Variants in LTBP1 observed in about 807,000 individuals in gnomAD.
LTBP1 encodes latent transforming growth factor beta binding protein 1, also known as latent-transforming growth factor beta-binding protein 1.
LTBP1 carries 129 observed loss-of-function variants against 207.6 expected under a neutral mutation model. That is an observed-to-expected ratio of 0.62 (90% CI 0.54 to 0.72). The LOEUF (loss-of-function observed/expected upper bound fraction) is 0.72. Among genes scored for constraint, LTBP1 ranks in the 30% least tolerant of loss-of-function variants. LTBP1 has a pLI of 0.00. For missense variants in LTBP1, 2,281 were observed against 2,217.2 expected (o/e 1.03, Z -0.58); for synonymous variants, 963 against 833.7 (o/e 1.16, Z -2.67).
intron 3 of LTBP1, among the ~76,000 whole-genome samples, chr2:33,059,023 C>G (rs1330565689): frequency 3.9e-5 from 6 of 152,134 alleles, no homozygotes; most frequent in Admixed American, 3.9e-4. Flanking sequence ...TGAAGTTATC[C>G]TTACAAGTGA....
At chr2:32,955,598 T>G (rs1677951228) in intron 2 of LTBP1, among the ~76,000 whole-genome samples, 1 of 150,208 alleles carries the variant, frequency 6.7e-6, no homozygotes, top group Admixed American at 6.8e-5. Flanking sequence ...TAAAAAAGAT[T>G]TTTTGGAACA....
chr2:33,234,080 C>A (rs1467809698), intron 9 of LTBP1, among the ~76,000 whole-genome samples: 1 of 152,104 alleles, frequency 6.6e-6, no homozygotes, highest in Non-Finnish European at 1.5e-5. Context: ...TCTTTAGTGT[C>A]TGGCTTCTTT....
chr2:33,328,266 C>T (rs2094453878), intron 24 of LTBP1, among the ~76,000 whole-genome samples: 1 of 152,082 alleles, frequency 6.6e-6, no homozygotes, highest in Non-Finnish European at 1.5e-5. Context: ...CCCCCTGAAC[C>T]TCCCTCAAAC....
At chr2:33,275,542 G>T (rs2093407795) in intron 17 of LTBP1, among the ~76,000 whole-genome samples, 1 of 152,050 alleles carries the variant, frequency 6.6e-6, no homozygotes, top group Non-Finnish European at 1.5e-5. Flanking sequence ...GAATTAGCCA[G>T]GCATGGTGGT....
At chr2:33,270,053 A>G (rs1479826465) in intron 15 of LTBP1, among the ~76,000 whole-genome samples, 2 of 149,110 alleles carry the variant, frequency 1.3e-5, no homozygotes, top group African/African-American at 2.5e-5. Flanking sequence ...AATAGCTGGG[A>G]CTACAGGTGC....
intron 20 of LTBP1, among the ~76,000 whole-genome samples, chr2:33,297,990 G>T (rs1358888400): frequency 6.6e-6 from 1 of 152,144 alleles, no homozygotes; most frequent in Non-Finnish European, 1.5e-5. Flanking sequence ...TTAAACTGGG[G>T]TCATGGGTTT....
chr2:33,127,638 G>C lies in LTBP1; in HGVS notation c.1034-7155G>C, dbSNP rs116105562. On this transcript the variant is annotated intron_variant, in intron 4 of 33. Transcript: ENST00000404816. ...GATAGAAAAGGAGGATAAGAATATAGACTATTTTCTTTGGCCTGACTGAGG... is the reference window on the plus strand; with the variant it reads ...GATAGAAAAGGAGGATAAGAATATACACTATTTTCTTTGGCCTGACTGAGG... Among the ~76,000 whole-genome samples, 369 of 152,320 alleles carry C rather than the reference G, an allele frequency of 2.4e-3. 1 individual carries two copies. Among genetic ancestry groups the C allele is most frequent in the Admixed American group, 6.7e-3 (102 of 15,294 alleles).
chr2:33,146,053 C>G (rs914803266), intron 5 of LTBP1, among the ~76,000 whole-genome samples: 2 of 152,148 alleles, frequency 1.3e-5, no homozygotes, highest in African/African-American at 4.8e-5. Flanking sequence ...TCTGAAGGAT[C>G]TCATTTAAGG....
intron 3 of LTBP1, among the ~76,000 whole-genome samples, chr2:33,084,955 C>T (rs1417317637): frequency 1.3e-5 from 2 of 152,160 alleles, no homozygotes; most frequent in Non-Finnish European, 2.9e-5. Context: ...AATCCTCGAA[C>T]CTGTGAATGA....
intron 3 of LTBP1, among the ~76,000 whole-genome samples, chr2:33,074,921 C>T (rs903819481): frequency 1.3e-5 from 2 of 150,818 alleles, no homozygotes; most frequent in Non-Finnish European, 2.9e-5. Context: ...CATGATGGCA[C>T]CTGCCTGTAA....
At chr2:33,049,995 C>G (rs2076644633) in intron 3 of LTBP1, among the ~76,000 whole-genome samples, 1 of 152,060 alleles carries the variant, frequency 6.6e-6, no homozygotes, top group Non-Finnish European at 1.5e-5. Flanking sequence ...GTGTGGGCCA[C>G]TGCGCCCAGC....
At chr2:33,144,783 A>G (rs2082885984) in intron 5 of LTBP1, among the ~76,000 whole-genome samples, 1 of 152,232 alleles carries the variant, frequency 6.6e-6, no homozygotes, top group East Asian at 1.9e-4. Context: ...AAAGTCAAGT[A>G]TTTGTACCAA....
Position 33,141,198 on chromosome 2 carries a change from C to A in LTBP1, c.1201+6238C>A, listed in dbSNP as rs116977025. 5.7e-3 allele frequency among the ~76,000 whole-genome samples: 869 copies of A among 152,252 alleles called. 2 individuals are homozygous for A. Among genetic ancestry groups the A allele is most frequent in the Middle Eastern group, 0.02 (6 of 294 alleles). On this transcript the variant is annotated intron_variant, in intron 5 of 33. Transcript: ENST00000404816. The stretch of plus-strand genomic sequence containing the variant: ...AGTCAAATAAACCAGTCACAAAAAA[C>A]CAAATACAGTATGAGTCCATTTATA...
intron 5 of LTBP1, among the ~76,000 whole-genome samples, chr2:33,179,256 G>T (rs1356225377): frequency 6.6e-6 from 1 of 152,110 alleles, no homozygotes; most frequent in African/African-American, 2.4e-5. Context: ...TGTGACTCAT[G>T]ACAGTTCTTC....
intron 14 of LTBP1, 142 bp downstream of exon 14, chr2:33,262,963 T>C: frequency 3.6e-6 from 2 of 550,608 alleles, no homozygotes; most frequent in Non-Finnish European, 6.4e-6. Context: ...TATACTTATA[T>C]AATGTTAGCA....
intron 25 of LTBP1, among the ~76,000 whole-genome samples, chr2:33,343,736 T>C (rs959971172): frequency 2.0e-5 from 3 of 152,350 alleles, no homozygotes; most frequent in Admixed American, 2.0e-4. Context: ...TTGACAGGGC[T>C]GGAAGGAATC....
chr2:33,024,267 T>C (rs1165970419), intron 3 of LTBP1, among the ~76,000 whole-genome samples: 1 of 152,116 alleles, frequency 6.6e-6, no homozygotes, highest in Non-Finnish European at 1.5e-5. Flanking sequence ...GTGGAGAAAA[T>C]AAAACTGCAT....
chr2:32,986,320 G>A (rs1405865743), intron 2 of LTBP1, among the ~76,000 whole-genome samples: 1 of 152,194 alleles, frequency 6.6e-6, no homozygotes, highest in Non-Finnish European at 1.5e-5. Flanking sequence ...TGTGTGCAAG[G>A]TGTGGTGGGA....
At chr2:33,251,087 G>A (rs1445019545) in intron 10 of LTBP1, among the ~76,000 whole-genome samples, 1 of 152,152 alleles carries the variant, frequency 6.6e-6, no homozygotes, top group African/African-American at 2.4e-5. Flanking sequence ...AGTGTACGCT[G>A]CCCTCGGGCC....
Sources: allele counts gnomAD v4.1 joint callset (sites outside exome capture counted in the v4.1 genomes callset), GRCh38; gene constraint gnomAD v4.1.1; transcripts MANE v1.5; gene names NCBI Gene and HGNC (gene_info 2026-07-23, HGNC 2026-07-21).